Variants in CHN1 observed in about 807,000 individuals in gnomAD.
CHN1 encodes the protein N-chimaerin.
Under a neutral mutation model 59.5 loss-of-function variants are expected in CHN1, and 37 were observed. The observed-to-expected ratio is 0.62, with a 90% confidence interval of 0.48 to 0.82. CHN1 has a LOEUF of 0.82. CHN1 is among the 40% of genes least tolerant of loss of function. CHN1 has a pLI of 0.00. For synonymous variants in CHN1, 206 were observed against 200.4 expected (o/e 1.03, Z -0.24); for missense variants, 469 against 571.0 (o/e 0.82, Z 1.82).
chr2:174,931,072 G>A (rs1689332130), intron 3 of CHN1, among the ~76,000 whole-genome samples: 1 of 151,576 alleles, frequency 6.6e-6, no homozygotes, highest in South Asian at 2.1e-4. Context: ...CAGGCCTATA[G>A]CTGAATTTTA....
At chr2:174,816,492 C>G (rs1484989263) in intron 8 of CHN1, among the ~76,000 whole-genome samples, 2 of 152,212 alleles carry the variant, frequency 1.3e-5, no homozygotes, top group East Asian at 3.9e-4. Flanking sequence ...CTGCCCTTTT[C>G]CCACTGCGTT....
intron 1 of CHN1, among the ~76,000 whole-genome samples, chr2:174,988,140 C>T (rs1195527587): frequency 2.6e-5 from 4 of 152,056 alleles, no homozygotes; most frequent in Non-Finnish European, 5.9e-5. Flanking sequence ...GGGCGGATCA[C>T]GAGGTCAGGA....
At chr2:174,847,481 C>G in intron 6 of CHN1, 5 of 1,174,950 alleles carry the variant, frequency 4.3e-6, no homozygotes, top group Non-Finnish European at 5.3e-6. Flanking sequence ...ACAAATGATA[C>G]ATTTCTAAAA....
intron 1 of CHN1, among the ~76,000 whole-genome samples, chr2:174,989,705 G>A (rs547153147): frequency 7.2e-5 from 11 of 151,968 alleles, no homozygotes; most frequent in East Asian, 3.9e-4. Context: ...TGGGAGGATC[G>A]CCTGAGCCCA....
intron 5 of CHN1, among the ~76,000 whole-genome samples, chr2:174,894,815 C>T (rs1448621433): frequency 6.6e-6 from 1 of 152,076 alleles, no homozygotes; most frequent in Non-Finnish European, 1.5e-5. Context: ...TACCTATGGT[C>T]AACCACGGTC....
chr2:174,989,807 G>T (rs1342678704), intron 1 of CHN1, among the ~76,000 whole-genome samples: 1 of 151,650 alleles, frequency 6.6e-6, no homozygotes, highest in Non-Finnish European at 1.5e-5. Context: ...AAAAAAAGTT[G>T]CATGTTTATC....
chr2:174,827,158 A>G (rs1574061686), intron 7 of CHN1, among the ~76,000 whole-genome samples: 1 of 152,246 alleles, frequency 6.6e-6, no homozygotes, highest in South Asian at 2.1e-4. Context: ...CTATGACTCT[A>G]TGACACTTTA....
chr2:174,893,008 A>G (rs1688101099), intron 5 of CHN1, among the ~76,000 whole-genome samples: 1 of 152,306 alleles, frequency 6.6e-6, no homozygotes, highest in Admixed American at 6.5e-5. Flanking sequence ...CCCTCACCTT[A>G]TATCAAATTT....
chr2:174,801,801 G>T lies in CHN1; in HGVS notation c.1114C>A (p.Pro372Thr). The change falls in exon 12 of 13, where the codon CCG becomes ACG. Residue 372 changes from proline to threonine, a missense_variant. Pro to Thr is a conservative substitution (Grantham distance 38). Coordinates refer to ENST00000409900, the MANE Select transcript of CHN1 (RefSeq NM_001822.7). ...TGAAGGGTTTCCAATTGCTCATCCG[G>T]ATCCATAATTTCTAAAATAGCAAGT... The part of the protein sequence containing the change: ...KFIESAKIMD[P>T]DEQLETLHEA... 1 of 1,612,264 alleles carries T rather than the reference G, an allele frequency of 6.2e-7. No individual in the cohort carries two copies. The highest frequency in any genetic ancestry group is 1.1e-5 in the South Asian group (1 of 91,020).
At chr2:174,878,447 A>G (rs1356830809) in intron 5 of CHN1, among the ~76,000 whole-genome samples, 1 of 152,238 alleles carries the variant, frequency 6.6e-6, no homozygotes, top group Non-Finnish European at 1.5e-5. Flanking sequence ...ACACCACATT[A>G]AAACATAGTC....
intron 5 of CHN1, among the ~76,000 whole-genome samples, chr2:174,911,884 A>G (rs781230723): frequency 2.0e-5 from 3 of 152,190 alleles, no homozygotes; most frequent in African/African-American, 7.2e-5. Context: ...CAGATCATTT[A>G]TAGTACTGGG....
chr2:174,934,191 T>C (rs951001552), intron 3 of CHN1, among the ~76,000 whole-genome samples: 3 of 152,230 alleles, frequency 2.0e-5, no homozygotes, highest in African/African-American at 4.8e-5. Flanking sequence ...ATTATACAAC[T>C]CACCATAATG....
intron 3 of CHN1, among the ~76,000 whole-genome samples, chr2:174,927,818 T>C (rs1395216084): frequency 2.0e-5 from 3 of 152,236 alleles, no homozygotes; most frequent in Non-Finnish European, 4.4e-5. Flanking sequence ...GCAGGCAATT[T>C]AGCATTTTAA....
chr2:174,847,654 G>A (rs1370921976), intron 6 of CHN1: 23 of 1,319,310 alleles, frequency 1.7e-5, no homozygotes, highest in East Asian at 8.6e-5. Context: ...ATTGGCCACC[G>A]TAAGAAAGGA....
chr2:174,861,024 G>C (rs1687052633), intron 6 of CHN1, among the ~76,000 whole-genome samples: 1 of 151,780 alleles, frequency 6.6e-6, no homozygotes, highest in African/African-American at 2.4e-5. Flanking sequence ...CTTCCATAAA[G>C]CATTTAAAAA....
At chr2:174,960,705 C>T (rs1690368977) in intron 1 of CHN1, among the ~76,000 whole-genome samples, 2 of 152,028 alleles carry the variant, frequency 1.3e-5, no homozygotes, top group African/African-American at 4.8e-5. Context: ...ACCTGTAGTC[C>T]CAGCTACTCG....
intron 1 of CHN1, among the ~76,000 whole-genome samples, chr2:174,972,394 G>T (rs1181200304): frequency 1.3e-5 from 2 of 152,120 alleles, no homozygotes. Context: ...GTAAGGTCAA[G>T]AACAGTAATC....
Position 174,939,643 on chromosome 2 carries a change from C to T in CHN1, c.114+5245G>A, listed in dbSNP as rs150028772. On this transcript the variant is annotated intron_variant, in intron 3 of 12. Coordinates refer to ENST00000409900, the MANE Select transcript of CHN1 (RefSeq NM_001822.7). ...TTTCTCACTTTCAGTTTCTCACATA[C>T]TTAAAAAATTAAAAAGTATGTGTGA... Among the ~76,000 whole-genome samples the T allele has an allele frequency of 3.7e-3, 570 of 152,238 alleles. 4 individuals are homozygous for T. Among genetic ancestry groups the T allele is most frequent in the African/African-American group, 0.013 (546 of 41,536 alleles).
chr2:174,831,779 C>T (rs1685886980), intron 7 of CHN1, among the ~76,000 whole-genome samples: 1 of 152,150 alleles, frequency 6.6e-6, no homozygotes, highest in Non-Finnish European at 1.5e-5. Flanking sequence ...TCACCTAAAA[C>T]ACTTCTACTT....
Sources: gnomAD v4.1 joint callset for allele counts (sites outside exome capture counted in the v4.1 genomes callset) on GRCh38, gnomAD v4.1.1 for gene constraint, MANE v1.5 for transcripts, NCBI Gene and HGNC (gene_info 2026-07-23, HGNC 2026-07-21) for gene names.